COBL: variants seen among roughly 807,000 people sequenced by gnomAD.
COBL encodes the protein cordon-bleu WH2 repeat protein, also known as protein cordon-bleu.
Under a neutral mutation model 98.8 loss-of-function variants are expected in COBL, and 51 were observed. The observed-to-expected ratio is 0.52, with a 90% CI of 0.41 to 0.65. COBL has a LOEUF of 0.65. COBL is among the 30% of genes least tolerant of loss of function. The pLI is 0.00. For synonymous variants in COBL, 634 were observed against 651.7 expected (o/e 0.97, Z 0.41); for missense variants, 1,617 against 1,617.5 (o/e 1.00, Z 0.01).
chr7:51,154,086 C>G (rs897692934), intron 5 of COBL, among the ~76,000 whole-genome samples: 1 of 152,166 alleles, frequency 6.6e-6, no homozygotes, highest in Non-Finnish European at 1.5e-5. Flanking sequence ...TCCAAGTACC[C>G]TGAGAGTCAC....
chr7:51,140,818 T>C (rs1163770858), intron 5 of COBL, among the ~76,000 whole-genome samples: 1 of 152,164 alleles, frequency 6.6e-6, no homozygotes, highest in African/African-American at 2.4e-5. Context: ...ACACGTTGTC[T>C]CCCTCGCTCA....
chr7:51,043,808 A>C lies in COBL; in HGVS notation c.1097-116T>G, dbSNP rs1789435064. 5 of 765,102 alleles carry C rather than the reference A, an allele frequency of 6.5e-6. No individual in the cohort carries two copies. In the Admixed American group the frequency reaches 1.4e-4, roughly 21 times the overall value. 47.4% of individuals were successfully genotyped at this position (765,102 alleles called of 1,614,324 possible). A position where few individuals can be genotyped will look rare whatever the true frequency, so the allele number is the denominator to read the frequency against. ...CTAAAATTTGGGATTCAGGGTGCTC[A>C]AAGTAAAGGAAGAACCTCATTCAAA... On this transcript the variant is annotated intron_variant, in intron 7 of 12. Transcript: ENST00000265136.
intron 7 of COBL, among the ~76,000 whole-genome samples, chr7:51,084,356 C>T (rs1214802078): frequency 1.3e-5 from 2 of 152,004 alleles, no homozygotes; most frequent in African/African-American, 2.4e-5. Context: ...CTGGTGGCTT[C>T]GTCGTGAGCA....
At chr7:51,312,492 G>A (rs567494826) in intron 1 of COBL, among the ~76,000 whole-genome samples, 3 of 152,146 alleles carry the variant, frequency 2.0e-5, no homozygotes, top group Non-Finnish European at 4.4e-5. Context: ...CAAAACTGCA[G>A]ATCAATTACA....
intron 12 of COBL, chr7:51,022,669 C>T (rs1419919033): frequency 6.6e-6 from 1 of 152,154 alleles, no homozygotes; most frequent in Non-Finnish European, 1.5e-5. Flanking sequence ...TTGTGGACCT[C>T]GGGCCAGCTT....
rs536277669 is a variant in COBL, at chr7:51,036,267, G to T, written c.1407-5358C>A. On this transcript the variant is annotated intron_variant, in intron 8 of 12. Coordinates refer to ENST00000265136, the MANE Select transcript of COBL (RefSeq NM_015198.5). ...CAGGAAAATCGCCTGAACCCAGGAG[G>T]GGGAGGATGCAGTGAGCCAAGATCG... Among the ~76,000 whole-genome samples the T allele has an allele frequency of 5.4e-5, 8 of 148,784 alleles. No homozygotes were observed. The South Asian group carries it at 1.5e-3, about 28-fold the overall frequency.
chr7:51,178,573 G>C (rs1375743721), intron 5 of COBL, among the ~76,000 whole-genome samples: 2 of 152,142 alleles, frequency 1.3e-5, no homozygotes, highest in East Asian at 1.9e-4. Context: ...AAAAAGAAGA[G>C]AGAGGAAGAC....
At chr7:51,280,534 G>A (rs369505250) in intron 1 of COBL, among the ~76,000 whole-genome samples, 2 of 152,218 alleles carry the variant, frequency 1.3e-5, no homozygotes, top group African/African-American at 4.8e-5. Flanking sequence ...TTCTGCTGCT[G>A]CTTTGCCCCG....
intron 1 of COBL, among the ~76,000 whole-genome samples, chr7:51,233,772 C>A (rs1479674640): frequency 6.6e-6 from 1 of 152,200 alleles, no homozygotes; most frequent in African/African-American, 2.4e-5. Flanking sequence ...CGGACGTTTT[C>A]AGGATGTGCA....
intron 1 of COBL, among the ~76,000 whole-genome samples, chr7:51,273,751 A>G (rs933877048): frequency 2.0e-5 from 3 of 152,256 alleles, no homozygotes; most frequent in Admixed American, 1.3e-4. Context: ...AATTTTACCT[A>G]TTTGAAAATA....
chr7:51,294,216 G>A (rs1801180098), intron 1 of COBL, among the ~76,000 whole-genome samples: 1 of 151,476 alleles, frequency 6.6e-6, no homozygotes, highest in African/African-American at 2.4e-5. Flanking sequence ...ACTTGAACCT[G>A]GGAGACAGAG....
chr7:51,190,796 C>A, intron 4 of COBL, 54 bp downstream of exon 4: 1 of 1,437,698 alleles, frequency 7.0e-7, no homozygotes. Flanking sequence ...GACATGTACA[C>A]GCCGCGCATC....
At chr7:51,051,633 A>G (rs1352003243) in intron 7 of COBL, among the ~76,000 whole-genome samples, 1 of 152,216 alleles carries the variant, frequency 6.6e-6, no homozygotes, top group Non-Finnish European at 1.5e-5. Flanking sequence ...CAGCGATGGT[A>G]CGGAGTGAAT....
At chr7:51,149,645 C>T (rs1031417130) in intron 5 of COBL, among the ~76,000 whole-genome samples, 2 of 152,158 alleles carry the variant, frequency 1.3e-5, no homozygotes, top group Non-Finnish European at 2.9e-5. Context: ...CTCACTGTGT[C>T]GCCCAGGCTG....
At chr7:51,211,857 ATCTCATCTCTCTCCTTCTCTCTCTGCC>A in intron 2 of COBL, among the ~76,000 whole-genome samples, 1 of 152,020 alleles carries the variant, frequency 6.6e-6, no homozygotes, top group South Asian at 2.1e-4. Context: ...ATCAAGAAAA[ATCTCATCTCTCTCCTTCTCTCTCTGCC>A]TCTCCTCTCT....
intron 5 of COBL, among the ~76,000 whole-genome samples, chr7:51,179,765 C>T (rs1346554783): frequency 1.3e-5 from 2 of 152,008 alleles, no homozygotes; most frequent in Non-Finnish European, 2.9e-5. Flanking sequence ...CGTTGAACAA[C>T]GCAAAAAGAA....
chr7:51,256,079 G>A (rs950872514), intron 1 of COBL, among the ~76,000 whole-genome samples: 1 of 152,156 alleles, frequency 6.6e-6, no homozygotes, highest in Non-Finnish European at 1.5e-5. Flanking sequence ...ATGCCGTGTG[G>A]CTCAGCTGAG....
intron 1 of COBL, among the ~76,000 whole-genome samples, chr7:51,274,102 G>A (rs896935242): frequency 4.6e-5 from 7 of 152,038 alleles, no homozygotes; most frequent in African/African-American, 1.2e-4. Flanking sequence ...CTTAAGTGAG[G>A]CCCTCGCTCC....
intron 8 of COBL, chr7:51,033,155 A>C (rs1788317924): frequency 6.6e-6 from 1 of 152,190 alleles, no homozygotes. Context: ...ACCCACCCCA[A>C]GCTGATGAAG....
Sources: gnomAD v4.1 joint callset for allele counts (sites outside exome capture counted in the v4.1 genomes callset) on GRCh38, gnomAD v4.1.1 for gene constraint, MANE v1.5 for transcripts, NCBI Gene and HGNC (gene_info 2026-07-23, HGNC 2026-07-21) for gene names.